Variants in MTSS1 observed in about 807,000 individuals in gnomAD.
MTSS1 encodes protein MTSS 1.
In MTSS1, 18 loss-of-function variants were observed where a neutral mutation model predicts 79.0. That is an observed-to-expected ratio of 0.23 (90% CI 0.16 to 0.34). The LOEUF is 0.34. Ranked by LOEUF, MTSS1 falls within the 10% of genes least tolerant of loss-of-function variation. MTSS1 has a pLI of 1.00. For missense variants in MTSS1, 815 were observed against 986.2 expected (o/e 0.83, Z 2.33); for synonymous variants, 341 against 368.6 (o/e 0.93, Z 0.86).
intron 3 of MTSS1, among the ~76,000 whole-genome samples, chr8:124,681,592 A>G (rs1826139052): frequency 6.6e-6 from 1 of 152,206 alleles, no homozygotes; most frequent in Non-Finnish European, 1.5e-5. Flanking sequence ...GTTCAAGACC[A>G]GCCTGGCCAA....
intron 10 of MTSS1, chr8:124,558,808 C>G (rs768419427): frequency 1.3e-6 from 2 of 1,568,282 alleles, no homozygotes; most frequent in Admixed American, 1.8e-5. Flanking sequence ...TCCGAGGCTT[C>G]GGAGGAGGCC....
intron 7 of MTSS1, 139 bp downstream of exon 7, chr8:124,568,240 C>G (rs1412349196): frequency 5.1e-6 from 5 of 973,356 alleles, no homozygotes; most frequent in Non-Finnish European, 7.4e-6. Context: ...TGCACTGAAT[C>G]GCTGGTCTGT....
In MTSS1 at chr8:124,671,654, T is replaced by C. The variant is rs545077293; in HGVS notation, c.208+27872A>G. On this transcript the variant is annotated intron_variant, in intron 3 of 13. Transcript: ENST00000518547. ...GAGAAGGATTCATGGCAACAGCAAA[T>C]TAGTTCAAGATGTCCTGATACAAGT... Among the ~76,000 whole-genome samples the C allele has an allele frequency of 2.0e-5, 3 of 152,300 alleles. No homozygotes were observed. In the South Asian group the frequency reaches 6.2e-4, roughly 32 times the overall value.
chr8:124,678,433 G>C (rs1429294073), intron 3 of MTSS1, among the ~76,000 whole-genome samples: 1 of 152,140 alleles, frequency 6.6e-6, no homozygotes. Context: ...AATTTATAAA[G>C]AAAAAGAGAT....
rs573284088 is a variant in MTSS1 at position 124,676,273 on chromosome 8, G to A, written c.208+23253C>T. Among the ~76,000 whole-genome samples, 4 of 152,270 alleles carry A rather than the reference G, an allele frequency of 2.6e-5. No homozygotes were observed. In the East Asian group the frequency reaches 7.7e-4, roughly 29 times the overall value. On this transcript the variant is annotated intron_variant, in intron 3 of 13. Transcript: ENST00000518547. ...AACATGCATGGAAAATGCAAAGATG[G>A]TATTAAAGATTAAATTCTTTAAAAA...
intron 3 of MTSS1, among the ~76,000 whole-genome samples, chr8:124,616,231 C>G (rs78823505): frequency 0.023 from 3,567 of 152,276 alleles, 127 homozygotes; most frequent in African/African-American, 0.081. Context: ...TCCACTGCAA[C>G]AAACTGCAAA....
At chr8:124,691,451 GA>G (rs1291046554) in intron 3 of MTSS1, among the ~76,000 whole-genome samples, 2 of 152,154 alleles carry the variant, frequency 1.3e-5, no homozygotes, top group Non-Finnish European at 2.9e-5. Context: ...AAAGTATATG[GA>G]TACACATACG....
chr8:124,556,567 A>G (rs1475626183), intron 11 of MTSS1, 162 bp from the exon 12 acceptor site: 1 of 776,296 alleles, frequency 1.3e-6, no homozygotes, highest in Non-Finnish European at 2.0e-6. Context: ...CAGGCTCTAA[A>G]GGGCAAGGAA....
At chr8:124,589,827 T>C in intron 4 of MTSS1, 116 bp from the exon 5 acceptor site, 1 of 733,728 alleles carries the variant, frequency 1.4e-6, no homozygotes, top group Non-Finnish European at 2.3e-6. Context: ...CGTTCTCATC[T>C]AAACCCCGGG....
intron 9 of MTSS1, 61 bp from the exon 10 acceptor site, chr8:124,563,053 TAAGAGGA>T: frequency 7.0e-7 from 1 of 1,430,632 alleles, no homozygotes; most frequent in Non-Finnish European, 9.6e-7. Context: ...GGAGCAGTGG[TAAGAGGA>T]AGGAGGAAGG....
intron 6 of MTSS1, among the ~76,000 whole-genome samples, chr8:124,580,971 G>GA (rs200667522): frequency 6.6e-4 from 98 of 148,690 alleles, no homozygotes; most frequent in Admixed American, 3.2e-3. Flanking sequence ...GATGAAAATG[G>GA]AAAAAAAAAA....
At chr8:124,589,587 T>C in intron 5 of MTSS1, 33 bp downstream of exon 5, 3 of 1,550,402 alleles carry the variant, frequency 1.9e-6, no homozygotes, top group Non-Finnish European at 2.6e-6. Context: ...CCCCCCAGCG[T>C]GCAGTGATGC....
intron 2 of MTSS1, among the ~76,000 whole-genome samples, chr8:124,701,752 C>T (rs112006601): frequency 4.5e-4 from 69 of 152,300 alleles, no homozygotes; most frequent in Admixed American, 3.0e-3. Flanking sequence ...TTTCACTGTC[C>T]GCTGTAGTCA....
At chr8:124,657,975 G>C (rs1821282579) in intron 3 of MTSS1, among the ~76,000 whole-genome samples, 1 of 152,150 alleles carries the variant, frequency 6.6e-6, no homozygotes, top group Non-Finnish European at 1.5e-5. Flanking sequence ...TCACAAATGG[G>C]ATTAGTGCAC....
At position 124,703,994 on chromosome 8, in the gene MTSS1, A is replaced by G. The variant is rs1026278044; in HGVS notation, c.134+136T>C. ...TATGGCTATAGGTGATCATGCTCCAATCAGAACCCAGCACAGGCTTCCCTA... is the reference window on the plus strand; with the variant it reads ...TATGGCTATAGGTGATCATGCTCCAGTCAGAACCCAGCACAGGCTTCCCTA... On this transcript the variant is annotated intron_variant, in intron 2 of 13. Coordinates refer to ENST00000518547, the MANE Select transcript of MTSS1 (RefSeq NM_014751.6). 1.2e-5 allele frequency: 9 copies of G among 730,472 alleles called. No individual in the cohort carries two copies. In the African/African-American group the frequency reaches 1.5e-4, roughly 13 times the overall value. 45.2% of individuals were successfully genotyped at this position (730,472 alleles called of 1,614,324 possible).
intron 3 of MTSS1, among the ~76,000 whole-genome samples, chr8:124,668,092 A>C (rs1823450120): frequency 6.6e-6 from 1 of 151,992 alleles, no homozygotes; most frequent in South Asian, 2.1e-4. Flanking sequence ...CAAAACAAAA[A>C]CAAAAAAAGT....
intron 3 of MTSS1, among the ~76,000 whole-genome samples, chr8:124,687,165 A>G (rs1233220189): frequency 6.6e-6 from 1 of 152,190 alleles, no homozygotes; most frequent in Non-Finnish European, 1.5e-5. Context: ...GATGGGCATC[A>G]TCTAAATAAG....
At chr8:124,660,684 A>T (rs375139900) in intron 3 of MTSS1, among the ~76,000 whole-genome samples, 1 of 152,216 alleles carries the variant, frequency 6.6e-6, no homozygotes, top group Non-Finnish European at 1.5e-5. Flanking sequence ...AGCAGCCACA[A>T]TATTTCTACG....
chr8:124,564,129 CA>C (rs56313535), intron 9 of MTSS1, among the ~76,000 whole-genome samples: 5,453 of 87,718 alleles, frequency 0.062, 100 homozygotes, highest in Middle Eastern at 0.072. Flanking sequence ...GACCCGATCT[CA>C]AAAAAAAAAA....
Sources: allele counts gnomAD v4.1 joint callset (sites outside exome capture counted in the v4.1 genomes callset), GRCh38; gene constraint gnomAD v4.1.1; transcripts MANE v1.5; gene names NCBI Gene and HGNC (gene_info 2026-07-23, HGNC 2026-07-21).